Variants in ZNF875 observed in about 807,000 individuals in gnomAD.
ZNF875 encodes the protein zinc finger protein 875.
In ZNF875, 14 loss-of-function variants were observed where a neutral mutation model predicts 11.2. The observed-to-expected ratio is 1.26, with a 90% confidence interval of 0.83 to 1.96. ZNF875 has a LOEUF of 1.96. Among genes scored for constraint, ZNF875 ranks in the 30% most tolerant of loss-of-function variants. ZNF875 has a pLI of 0.00. For synonymous variants in ZNF875, 301 were observed against 281.1 expected (o/e 1.07, Z -0.71); for missense variants, 752 against 760.4 (o/e 0.99, Z 0.13).
upstream of ZNF875, among the ~76,000 whole-genome samples, chr19:37,333,504 G>T (rs2033721624): frequency 6.6e-6 from 1 of 152,156 alleles, no homozygotes; most frequent in African/African-American, 2.4e-5. Flanking sequence ...TCCAGGCAAA[G>T]GGATGTTGGA....
upstream of ZNF875, among the ~76,000 whole-genome samples, chr19:37,334,333 C>G (rs1360456780): frequency 6.6e-6 from 1 of 152,220 alleles, no homozygotes; most frequent in Non-Finnish European, 1.5e-5. Flanking sequence ...CTCACCCGCA[C>G]CTTGAAGGTC....
At chr19:37,339,713 C>T (rs918034914) in intron 2 of ZNF875, among the ~76,000 whole-genome samples, 1 of 150,822 alleles carries the variant, frequency 6.6e-6, no homozygotes, top group African/African-American at 2.4e-5. Flanking sequence ...TACAGGTGCC[C>T]GCCACCACAC....
chr19:37,354,974 T>C (rs1034882290), intron 4 of ZNF875, among the ~76,000 whole-genome samples: 1 of 152,198 alleles, frequency 6.6e-6, no homozygotes. Context: ...TATTCTGTTA[T>C]AGCAATACAA....
At chr19:37,342,946 C>A (rs1300512722) in intron 2 of ZNF875, among the ~76,000 whole-genome samples, 1 of 152,142 alleles carries the variant, frequency 6.6e-6, no homozygotes, top group South Asian at 2.1e-4. Context: ...CTTTCCAAGC[C>A]TCTGCCCATG....
intron 4 of ZNF875, among the ~76,000 whole-genome samples, chr19:37,326,819 C>G (rs2032537864): frequency 6.6e-6 from 1 of 151,832 alleles, no homozygotes; most frequent in Non-Finnish European, 1.5e-5. Context: ...AGATGTGCAC[C>G]ACCATGCCTG....
exon 1 of ZNF875, chr19:37,317,971 T>A: frequency 6.4e-6 from 1 of 155,694 alleles, no homozygotes. Flanking sequence ...CTTGGGCTGT[T>A]CGGCCAAGCG....
At chr19:37,318,398 T>C (rs1178799895) in intron 1 of ZNF875, among the ~76,000 whole-genome samples, 11 of 152,260 alleles carry the variant, frequency 7.2e-5, no homozygotes. Flanking sequence ...TTTAGTGGAC[T>C]GTCTCTGATA....
chr19:37,350,172 C>T (rs1218095866), intron 4 of ZNF875, among the ~76,000 whole-genome samples: 3 of 144,896 alleles, frequency 2.1e-5, no homozygotes, highest in Non-Finnish European at 3.0e-5. Flanking sequence ...AGTGCAAAGG[C>T]GCAATCTCGG....
At chr19:37,322,755 G>T (rs1423728809) in intron 2 of ZNF875, among the ~76,000 whole-genome samples, 1 of 152,188 alleles carries the variant, frequency 6.6e-6, no homozygotes, top group East Asian at 1.9e-4. Context: ...ACTTCCTGGG[G>T]TGTTGCTGGC....
chr19:37,355,276 G>A (rs1484122454), intron 4 of ZNF875, among the ~76,000 whole-genome samples: 1 of 152,002 alleles, frequency 6.6e-6, no homozygotes, highest in African/African-American at 2.4e-5. Flanking sequence ...TGCAACCTCC[G>A]CCTCCTGGGT....
rs565431471 is a variant in ZNF875, at chr19:37,342,194, C to T, written c.34-4996C>T. 4.5e-4 allele frequency among the ~76,000 whole-genome samples: 69 copies of T among 152,250 alleles called. 1 individual carries two copies. The South Asian group carries it at 0.013, about 29-fold the overall frequency. ...GGTTCTAAAGTTTGGGTCTTTTAGC[C>T]AAACTTTTGATTCGAACTTTACTCT... On this transcript the variant is annotated intron_variant, in intron 2 of 4. Transcript: ENST00000392153.
At position 37,345,003 on chromosome 19, in the gene ZNF875, C is replaced by T; in HGVS notation, c.34-2187C>T. On this transcript the variant is annotated intron_variant, in intron 2 of 4. Transcript: ENST00000392153. ...GCCTTGTACATTGAACACTCACATA[C>T]CCATCACCTAGATTCTCAGTGAGTA... The T allele has an allele frequency of 6.5e-6, 3 of 458,646 alleles. No individual in the cohort carries two copies. The South Asian group carries it at 7.0e-5, about 11-fold the overall frequency. The allele number at this position is 458,646 out of a possible 1,614,324, so 28.4% of individuals were successfully genotyped here. A position where few individuals can be genotyped will look rare whatever the true frequency, so the allele number is the denominator to read the frequency against.
At position 37,363,063 on chromosome 19, in the gene ZNF875, G is replaced by A. The variant is rs748909330; in HGVS notation, c.1211G>A (p.Ser404Asn). The A allele has an allele frequency of 6.2e-7, 1 of 1,614,120 alleles. No individual in the cohort carries two copies. Among genetic ancestry groups the A allele is most frequent in the Non-Finnish European group, 8.5e-7 (1 of 1,180,030 alleles). Residue 404 changes from serine to asparagine, a missense_variant, in exon 5 of 5, where the codon AGC becomes AAC. Ser to Asn is a conservative substitution (Grantham distance 46, BLOSUM62 1). Transcript: ENST00000392153. ...TGCAGGGAGTGTGAGCAAGGCTTTA[G>A]CCAGAAGTCACACCTCATCAGACAC... ...YICRECEQGF[S>N]QKSHLIRHLR... is the part of the protein sequence containing the mutation.
At chr19:37,315,216 C>T (rs1342651235), upstream of ZNF875, 1 of 152,188 alleles carries the variant, frequency 6.6e-6, no homozygotes, top group African/African-American at 2.4e-5. Flanking sequence ...AGAGGGGGCA[C>T]TTTACATAAG....
At chr19:37,357,154 G>T (rs1030141422) in intron 4 of ZNF875, among the ~76,000 whole-genome samples, 3 of 152,066 alleles carry the variant, frequency 2.0e-5, no homozygotes, top group Admixed American at 6.6e-5. Context: ...TTATTTCTGG[G>T]TTCTCTGTTC....
chr19:37,330,064 G>T (rs1056449376), upstream of ZNF875, among the ~76,000 whole-genome samples: 4 of 151,908 alleles, frequency 2.6e-5, no homozygotes, highest in Non-Finnish European at 4.4e-5. Flanking sequence ...CATATACATT[G>T]ATGAATTAGA....
chr19:37,358,108 C>A, intron 4 of ZNF875: 1 of 254,494 alleles, frequency 3.9e-6, no homozygotes, highest in Non-Finnish European at 7.0e-6. Context: ...TTATCCGATG[C>A]TTTTTTTACA....
At chr19:37,349,643 A>G (rs188143628) in intron 4 of ZNF875, among the ~76,000 whole-genome samples, 92 of 150,366 alleles carry the variant, frequency 6.1e-4, no homozygotes, top group Admixed American at 1.7e-3. Context: ...TCTGTGGCCT[A>G]CCTCCTTGCT....
At chr19:37,318,934 C>T (rs1471156479) in intron 1 of ZNF875, among the ~76,000 whole-genome samples, 1 of 152,036 alleles carries the variant, frequency 6.6e-6, no homozygotes, top group African/African-American at 2.4e-5. Context: ...AGTATTTTCC[C>T]CAATGTCTTT....
Sources: gnomAD v4.1 joint callset for allele counts (sites outside exome capture counted in the v4.1 genomes callset) on GRCh38, gnomAD v4.1.1 for gene constraint, MANE v1.5 for transcripts, NCBI Gene and HGNC (gene_info 2026-07-23, HGNC 2026-07-21) for gene names.